Variants in DPYD observed in about 807,000 individuals in gnomAD.
DPYD encodes the protein dihydropyrimidine dehydrogenase.
A neutral mutation model predicts 116.2 loss-of-function variants in DPYD; 109 were observed. The observed-to-expected ratio is 0.94, with a 90% CI of 0.80 to 1.10. The LOEUF (loss-of-function observed/expected upper bound fraction) is 1.10. DPYD is among the 50% of genes least tolerant of loss of function. The probability of loss-of-function intolerance (pLI) is 0.00; values close to 1 mark genes in which losing one functional copy is unlikely to be tolerated. For synonymous variants in DPYD, 440 were observed against 432.0 expected (o/e 1.02, Z -0.23); for missense variants, 1,302 against 1,254.5 (o/e 1.04, Z -0.57).
intron 19 of DPYD, among the ~76,000 whole-genome samples, chr1:97,193,991 T>G (rs1237120042): frequency 1.3e-5 from 2 of 152,220 alleles, no homozygotes; most frequent in African/African-American, 4.8e-5. Context: ...TTTTAACTTC[T>G]AATTATTGCA....
At chr1:97,714,531 T>G (rs1225115108) in intron 5 of DPYD, among the ~76,000 whole-genome samples, 1 of 151,866 alleles carries the variant, frequency 6.6e-6, no homozygotes, top group Non-Finnish European at 1.5e-5. Context: ...TTCTAAGGCC[T>G]TGTATTTAAA....
intron 13 of DPYD, among the ~76,000 whole-genome samples, chr1:97,510,364 T>C (rs1250187513): frequency 6.6e-6 from 1 of 152,016 alleles, no homozygotes; most frequent in Non-Finnish European, 1.5e-5. Flanking sequence ...AGATTTTATC[T>C]ACTGTGGTTC....
Position 97,372,111 on chromosome 1 carries a change from A to G in DPYD, c.2058+1450T>C, listed in dbSNP as rs545758955. ...TAAACTCAGGTGGGACTAGGGCAAC[A>G]TTTTCAAAATAATTGTCGTATTTGT... On this transcript the variant is annotated intron_variant, in intron 16 of 22. Coordinates refer to ENST00000370192, the MANE Select transcript of DPYD (RefSeq NM_000110.4). Among the ~76,000 whole-genome samples the G allele has an allele frequency of 2.0e-5, 3 of 152,310 alleles. No homozygotes were observed. The South Asian group carries it at 6.2e-4, about 32-fold the overall frequency.
At chr1:97,348,541 C>G (rs929382917) in intron 16 of DPYD, among the ~76,000 whole-genome samples, 6 of 152,154 alleles carry the variant, frequency 3.9e-5, no homozygotes, top group Admixed American at 2.6e-4. Context: ...TTGTCTGCAC[C>G]TGGCTTACAT....
intron 1 of DPYD, among the ~76,000 whole-genome samples, chr1:97,898,415 TG>T (rs894748672): frequency 1.3e-5 from 2 of 151,878 alleles, no homozygotes; most frequent in African/African-American, 4.8e-5. Flanking sequence ...AGGCTTTGTG[TG>T]GTTTCCCCCT....
chr1:97,469,409 A>AAAAG (rs1677511107), intron 13 of DPYD, among the ~76,000 whole-genome samples: 7 of 92,162 alleles, frequency 7.6e-5, no homozygotes, highest in Non-Finnish European at 1.8e-4. Context: ...AAAAAAAAAA[A>AAAAG]AAAAAAAAAA....
chr1:97,530,711 C>T (rs1649555838), intron 12 of DPYD, among the ~76,000 whole-genome samples: 1 of 152,124 alleles, frequency 6.6e-6, no homozygotes, highest in South Asian at 2.1e-4. Flanking sequence ...ATACTGTTTT[C>T]TATAGCAGTT....
At chr1:97,224,135 C>G (rs1660959515) in intron 19 of DPYD, among the ~76,000 whole-genome samples, 1 of 152,052 alleles carries the variant, frequency 6.6e-6, no homozygotes, top group South Asian at 2.1e-4. Flanking sequence ...TTCAAAGACA[C>G]TGAAGTTCAC....
intron 10 of DPYD, among the ~76,000 whole-genome samples, chr1:97,584,429 T>C (rs1336069425): frequency 1.3e-5 from 2 of 152,140 alleles, no homozygotes; most frequent in African/African-American, 4.8e-5. Context: ...ATCCTATTTG[T>C]CAATTTTGGC....
At chr1:97,419,826 A>T (rs1557699486) in intron 14 of DPYD, among the ~76,000 whole-genome samples, 1 of 152,216 alleles carries the variant, frequency 6.6e-6, no homozygotes, top group Non-Finnish European at 1.5e-5. Flanking sequence ...GCATGTATTC[A>T]AAAATTTTAT....
intron 18 of DPYD, among the ~76,000 whole-genome samples, chr1:97,251,228 C>G (rs921467125): frequency 2.6e-5 from 4 of 151,610 alleles, no homozygotes; most frequent in African/African-American, 9.7e-5. Context: ...GAAAACCCAT[C>G]TCCAGTAAAA....
chr1:97,839,175 A>G (rs1017993176), intron 2 of DPYD, among the ~76,000 whole-genome samples: 2 of 152,208 alleles, frequency 1.3e-5, no homozygotes, highest in Admixed American at 6.5e-5. Flanking sequence ...TTCCTTTCAC[A>G]GTATACTCCC....
chr1:97,270,759 T>A (rs1315761053), intron 18 of DPYD, among the ~76,000 whole-genome samples: 1 of 152,126 alleles, frequency 6.6e-6, no homozygotes, highest in Non-Finnish European at 1.5e-5. Context: ...ATTTAAACAG[T>A]TTAAGGAGAA....
intron 1 of DPYD, chr1:97,883,868 G>A (rs1449940183): frequency 4.3e-6 from 2 of 462,172 alleles, no homozygotes; most frequent in South Asian, 1.7e-5. Flanking sequence ...TCAGAAGAAT[G>A]ACCCCAAATT....
chr1:97,591,665 C>T (rs1365323728), intron 10 of DPYD, among the ~76,000 whole-genome samples: 1 of 152,054 alleles, frequency 6.6e-6, no homozygotes, highest in African/African-American at 2.4e-5. Flanking sequence ...GTGTCATCTT[C>T]CCCTTCCAAC....
chr1:97,139,810 T>C (rs1400693619), intron 20 of DPYD, among the ~76,000 whole-genome samples: 1 of 152,150 alleles, frequency 6.6e-6, no homozygotes, highest in African/African-American at 2.4e-5. Context: ...ATTTACTCTG[T>C]AGGTCTGGGA....
intron 20 of DPYD, among the ~76,000 whole-genome samples, chr1:97,119,977 A>G (rs919339111): frequency 6.6e-6 from 1 of 152,118 alleles, no homozygotes; most frequent in Non-Finnish European, 1.5e-5. Context: ...CAAAAGCTAA[A>G]CGAAGACCCG....
At chr1:97,775,109 A>T (rs917098098) in intron 3 of DPYD, 213 of 159,554 alleles carry the variant, frequency 1.3e-3, no homozygotes, top group African/African-American at 5.1e-3. Context: ...TTTGTCTTTT[A>T]TATTCACTTG....
chr1:97,514,839 T>C (rs904804668), intron 13 of DPYD, among the ~76,000 whole-genome samples: 1 of 151,838 alleles, frequency 6.6e-6, no homozygotes, highest in African/African-American at 2.4e-5. Flanking sequence ...CTATTGATCC[T>C]AGTAAGAGGA....
Sources: allele counts gnomAD v4.1 joint callset (sites outside exome capture counted in the v4.1 genomes callset), GRCh38; gene constraint gnomAD v4.1.1; transcripts MANE v1.5; gene names NCBI Gene and HGNC (gene_info 2026-07-23, HGNC 2026-07-21).